BLTP1: variants seen among roughly 807,000 people sequenced by gnomAD.
BLTP1 encodes bridge-like lipid transfer protein family member 1, also known as fragile site-associated protein.
the BLTP1 span, chr4:122,334,504 C>G: frequency 6.2e-7 from 1 of 1,612,726 alleles, no homozygotes; most frequent in Non-Finnish European, 8.5e-7. Context: ...CAGAGCAAGA[C>G]TAACACCTTA....
At chr4:122,267,209 C>T in the BLTP1 span, among the ~76,000 whole-genome samples, 1 of 151,654 alleles carries the variant, frequency 6.6e-6, no homozygotes, top group Non-Finnish European at 1.5e-5. Context: ...CAAGCGCCTG[C>T]CACCATGCCT....
the BLTP1 span, among the ~76,000 whole-genome samples, chr4:122,361,597 C>G: frequency 6.6e-6 from 1 of 152,104 alleles, no homozygotes; most frequent in African/African-American, 2.4e-5. Context: ...GCTGTTTCTC[C>G]ACGTATAAGG....
chr4:122,335,426 T>C, the BLTP1 span, among the ~76,000 whole-genome samples: 3 of 152,078 alleles, frequency 2.0e-5, no homozygotes, highest in African/African-American at 4.8e-5. Flanking sequence ...ATACCGTACA[T>C]ACATGGCAGG....
At chr4:122,227,173 A>T in the BLTP1 span, 3 of 1,006,812 alleles carry the variant, frequency 3.0e-6, no homozygotes, top group Non-Finnish European at 3.6e-6. Flanking sequence ...AAGCAAAGAG[A>T]AGGTTGAATT....
the BLTP1 span, chr4:122,229,165 A>G: frequency 1.2e-6 from 2 of 1,610,050 alleles, no homozygotes; most frequent in Admixed American, 3.4e-5. Context: ...ATGATTTGAA[A>G]TATACTATGA....
the BLTP1 span, chr4:122,299,155 A>G: frequency 3.0e-6 from 3 of 984,676 alleles, no homozygotes; most frequent in South Asian, 4.7e-5. Context: ...GGCAAACATC[A>G]TGTAGGAAGG....
chr4:122,247,491 C>T, the BLTP1 span: 1 of 1,109,342 alleles, frequency 9.0e-7, no homozygotes, highest in South Asian at 1.6e-5. Context: ...GGTATTTCTC[C>T]CTATATTGAA....
At chr4:122,250,366 A>G in the BLTP1 span, 9 of 1,600,442 alleles carry the variant, frequency 5.6e-6, no homozygotes, top group African/African-American at 4.0e-5. Context: ...TTATAGGAGG[A>G]AGACAGTCTG....
the BLTP1 span, among the ~76,000 whole-genome samples, chr4:122,283,724 G>A: frequency 6.6e-6 from 1 of 152,092 alleles, no homozygotes; most frequent in Non-Finnish European, 1.5e-5. Flanking sequence ...TGCCTAGGCT[G>A]GTGTTGAACT....
chr4:122,226,779 C>T, the BLTP1 span: 1 of 1,613,204 alleles, frequency 6.2e-7, no homozygotes, highest in Non-Finnish European at 8.5e-7. Flanking sequence ...ACTGGAAAGA[C>T]CGAAATCAGT....
chr4:122,310,009 T>A, the BLTP1 span, among the ~76,000 whole-genome samples: 1 of 151,994 alleles, frequency 6.6e-6, no homozygotes, highest in South Asian at 2.1e-4. Flanking sequence ...TTTGTATATA[T>A]TTTTATATTT....
chr4:122,200,035 A>ATTT, the BLTP1 span: 3 of 975,382 alleles, frequency 3.1e-6, no homozygotes, highest in African/African-American at 5.3e-5. Flanking sequence ...GCTATGTAAA[A>ATTT]TGGTTAATAT....
the BLTP1 span, chr4:122,152,597 G>T: frequency 2.0e-5 from 20 of 985,656 alleles, no homozygotes; most frequent in East Asian, 6.8e-4. Flanking sequence ...GAGGGGATGG[G>T]CCGGGCCAGA....
the BLTP1 span, chr4:122,347,639 C>T: frequency 6.2e-7 from 1 of 1,613,804 alleles, no homozygotes; most frequent in Non-Finnish European, 8.5e-7. Flanking sequence ...GCCTCCTTCA[C>T]CCACATGCCT....
the BLTP1 span, among the ~76,000 whole-genome samples, chr4:122,308,370 A>G: frequency 6.6e-6 from 1 of 152,084 alleles, no homozygotes; most frequent in Admixed American, 6.6e-5. Context: ...GCACTCTTAT[A>G]TGCTTCAGAA....
At chr4:122,327,834 A>C in the BLTP1 span, 1 of 172,308 alleles carries the variant, frequency 5.8e-6, no homozygotes, top group Non-Finnish European at 1.2e-5. Flanking sequence ...GCTTTAAAGA[A>C]TTACAGTGTT....
the BLTP1 span, chr4:122,186,045 C>T: frequency 1.9e-6 from 3 of 1,579,404 alleles, no homozygotes; most frequent in Admixed American, 5.5e-5. Flanking sequence ...GATCCAAAGG[C>T]AGAAACCAGG....
the BLTP1 span, chr4:122,237,345 A>G: frequency 1.0e-5 from 10 of 985,354 alleles, no homozygotes; most frequent in Non-Finnish European, 1.2e-5. Flanking sequence ...ACTGTGAAAC[A>G]GTGGTGCTTC....
the BLTP1 span, chr4:122,257,476 A>G: frequency 6.2e-7 from 1 of 1,614,108 alleles, no homozygotes; most frequent in Non-Finnish European, 8.5e-7. Flanking sequence ...CTGATGGAGC[A>G]GAATTTGAGT....
Sources: allele counts gnomAD v4.1 joint callset (sites outside exome capture counted in the v4.1 genomes callset), GRCh38; gene constraint gnomAD v4.1.1; transcripts MANE v1.5; gene names NCBI Gene and HGNC (gene_info 2026-07-23, HGNC 2026-07-21).